Variants in SLC2A9 observed in about 807,000 individuals in gnomAD.
The protein encoded by SLC2A9 is solute carrier family 2, facilitated glucose transporter member 9.
A neutral mutation model predicts 50.6 loss-of-function variants in SLC2A9; 39 were observed. The ratio of observed to expected loss-of-function variants is 0.77; its 90% CI spans 0.60 to 1.01. SLC2A9 has a LOEUF of 1.01. Ranked by LOEUF, SLC2A9 falls within the 50% of genes least tolerant of loss-of-function variation. SLC2A9 has a pLI of 0.00. For synonymous variants in SLC2A9, 324 were observed against 276.9 expected (o/e 1.17, Z -1.69); for missense variants, 686 against 677.6 (o/e 1.01, Z -0.14).
chr4:10,021,822 C>G (rs1274548759), upstream of SLC2A9, among the ~76,000 whole-genome samples: 2 of 150,604 alleles, frequency 1.3e-5, no homozygotes, highest in East Asian at 2.0e-4. Flanking sequence ...CTGCATACAG[C>G]TCTGCCCCTG....
chr4:9,980,321 G>T (rs577211638), intron 5 of SLC2A9, among the ~76,000 whole-genome samples: 1 of 152,304 alleles, frequency 6.6e-6, no homozygotes, highest in African/African-American at 2.4e-5. Context: ...AAGCACAGAA[G>T]ATGCCTAAAC....
intron 3 of SLC2A9, among the ~76,000 whole-genome samples, chr4:9,801,846 G>C (rs192305260): frequency 1.2e-3 from 190 of 152,358 alleles, no homozygotes; most frequent in African/African-American, 4.4e-3. Flanking sequence ...CGGCCAAAGA[G>C]AATAGGTTTG....
chr4:9,827,067 A>T (rs1725266730), intron 11 of SLC2A9, among the ~76,000 whole-genome samples: 1 of 152,232 alleles, frequency 6.6e-6, no homozygotes. Context: ...TCTAATATGC[A>T]AATGATCTAA....
intron 1 of SLC2A9, among the ~76,000 whole-genome samples, chr4:10,028,627 C>T (rs1763830138): frequency 6.6e-6 from 1 of 152,182 alleles, no homozygotes; most frequent in Admixed American, 6.5e-5. Context: ...CTTTTAATAT[C>T]CTAAGTCATG....
At chr4:9,833,196 G>A (rs1430959331) in intron 11 of SLC2A9, among the ~76,000 whole-genome samples, 1 of 152,182 alleles carries the variant, frequency 6.6e-6, no homozygotes, top group African/African-American at 2.4e-5. Flanking sequence ...GCCACGTGAA[G>A]GTGTCCCAGG....
chr4:9,902,154 G>GC (rs11438839), intron 8 of SLC2A9, among the ~76,000 whole-genome samples: 32,185 of 152,056 alleles, frequency 0.21, 3,884 homozygotes, highest in African/African-American at 0.33. Flanking sequence ...ATTTAAAATG[G>GC]CAACTGCCCC....
At chr4:9,872,814 A>C (rs796678797) in intron 10 of SLC2A9, among the ~76,000 whole-genome samples, 2 of 152,240 alleles carry the variant, frequency 1.3e-5, no homozygotes, top group South Asian at 4.1e-4. Context: ...ATTCCATTCT[A>C]TGCACAAAAA....
In SLC2A9 at chr4:9,941,906, C is replaced by A. The variant is rs772230698; in HGVS notation, c.814+7G>T. 1.2e-5 allele frequency: 20 copies of A among 1,613,848 alleles called. No individual in the cohort carries two copies. Among genetic ancestry groups the A allele is most frequent in the Non-Finnish European group, 1.6e-5 (19 of 1,179,922 alleles). On this transcript the variant is annotated splice_region_variant and intron_variant, in intron 6 of 11. Transcript: ENST00000264784. ...TGGAGCTGTGCAGGAAAGGGAAGGG[C>A]CCTCACCTTTCACAGCTCTTGCCTC...
At chr4:10,023,801 C>A (rs186970316), upstream of SLC2A9, among the ~76,000 whole-genome samples, 41 of 152,224 alleles carry the variant, frequency 2.7e-4, no homozygotes, top group Non-Finnish European at 5.1e-4. Flanking sequence ...ACCTACATTT[C>A]GGGGCAACTG....
chr4:9,791,979 C>A lies in SLC2A9; in HGVS notation n.386-11914G>T, dbSNP rs147305766. 1.6e-3 allele frequency among the ~76,000 whole-genome samples: 241 copies of A among 152,012 alleles called. 1 individual carries two copies. Among genetic ancestry groups the A allele is most frequent in the African/African-American group, 5.7e-3 (237 of 41,434 alleles). On this transcript the variant is annotated intron_variant and non_coding_transcript_variant, in intron 3 of 3. Coordinates refer to the SLC2A9 transcript ENST00000503803. ...ACATTTATTGAATCCTTCACTATAC[C>A]CCAGGTACTTTGTAAACCTTTTTCC... is the stretch of plus-strand genomic sequence containing the variant.
At chr4:10,039,078 C>T (rs1190797246) in intron 1 of SLC2A9, among the ~76,000 whole-genome samples, 1 of 152,218 alleles carries the variant, frequency 6.6e-6, no homozygotes, top group Non-Finnish European at 1.5e-5. Context: ...GCCCAGTTGG[C>T]ATGTGAGTCA....
chr4:9,859,849 C>G (rs1185216234), intron 10 of SLC2A9, among the ~76,000 whole-genome samples: 1 of 152,210 alleles, frequency 6.6e-6, no homozygotes, highest in African/African-American at 2.4e-5. Context: ...AACCGGCAGC[C>G]CCAGGTGTGC....
intron 5 of SLC2A9, among the ~76,000 whole-genome samples, chr4:9,949,600 G>A (rs1460069165): frequency 2.0e-5 from 3 of 152,142 alleles, no homozygotes; most frequent in Non-Finnish European, 2.9e-5. Context: ...ATCCCTGTAC[G>A]GGGCTCTTTC....
intron 5 of SLC2A9, among the ~76,000 whole-genome samples, chr4:9,973,606 C>T (rs1296190420): frequency 3.3e-5 from 5 of 149,880 alleles, no homozygotes; most frequent in African/African-American, 9.8e-5. Flanking sequence ...CAAACTATCG[C>T]AAGGACAAAA....
At chr4:10,011,659 G>C (rs1475200067) in intron 2 of SLC2A9, among the ~76,000 whole-genome samples, 2 of 130,918 alleles carry the variant, frequency 1.5e-5, no homozygotes, top group Non-Finnish European at 3.5e-5. Flanking sequence ...AATAACTTCA[G>C]GATGTTTTAG....
At chr4:9,820,974 G>A (rs951817344) in intron 3 of SLC2A9, among the ~76,000 whole-genome samples, 1 of 152,188 alleles carries the variant, frequency 6.6e-6, no homozygotes, top group Non-Finnish European at 1.5e-5. Flanking sequence ...AGTGAATAGA[G>A]GCAGTGATAG....
chr4:9,927,494 G>C (rs1033717010), intron 6 of SLC2A9, among the ~76,000 whole-genome samples: 6 of 152,230 alleles, frequency 3.9e-5, no homozygotes, highest in Non-Finnish European at 8.8e-5. Context: ...GTGGAGCATA[G>C]GGCAATAGCC....
chr4:9,854,204 AT>A (rs1730394313), intron 10 of SLC2A9, among the ~76,000 whole-genome samples: 1 of 152,130 alleles, frequency 6.6e-6, no homozygotes, highest in South Asian at 2.1e-4. Flanking sequence ...TCAAGAGTTG[AT>A]TTTTTTAAAG....
intron 2 of SLC2A9, among the ~76,000 whole-genome samples, chr4:10,016,275 C>G (rs989544187): frequency 1.4e-4 from 22 of 152,306 alleles, no homozygotes; most frequent in African/African-American, 4.8e-4. Flanking sequence ...CCTGGGAAAC[C>G]AGAAGCCCGC....
Sources: allele counts gnomAD v4.1 joint callset (sites outside exome capture counted in the v4.1 genomes callset), GRCh38; gene constraint gnomAD v4.1.1; transcripts MANE v1.5; gene names NCBI Gene and HGNC (gene_info 2026-07-23, HGNC 2026-07-21).